Variants in RNF185 observed in about 807,000 individuals in gnomAD.
RNF185 encodes ring finger protein 185, also known as E3 ubiquitin-protein ligase RNF185.
RNF185 carries 13 observed loss-of-function variants against 24.9 expected under a neutral mutation model. The observed-to-expected ratio is 0.52, with a 90% CI of 0.34 to 0.83. The LOEUF is 0.83. RNF185 is among the 40% of genes least tolerant of loss of function. RNF185 has a pLI of 0.01. For missense variants in RNF185, 184 were observed against 244.7 expected, an observed-to-expected ratio of 0.75 and a Z score of 1.65; for synonymous variants, 79 against 90.3, an observed-to-expected ratio of 0.88 and a Z score of 0.71.
intron 5 of RNF185, among the ~76,000 whole-genome samples, chr22:31,200,979 C>G (rs961545360): frequency 2.0e-5 from 3 of 152,212 alleles, no homozygotes; most frequent in African/African-American, 7.2e-5. Context: ...AGTGTTACCG[C>G]TTAAGTCAGG....
chr22:31,161,230 G>A (rs1923556123), intron 1 of RNF185, among the ~76,000 whole-genome samples: 1 of 152,202 alleles, frequency 6.6e-6, no homozygotes, highest in Admixed American at 6.5e-5. Context: ...ACCACCGATG[G>A]AGTGAATGGA....
chr22:31,195,457 T>A lies in RNF185; in HGVS notation c.196-12T>A. The A allele has an allele frequency of 6.3e-7, 1 of 1,581,282 alleles. No individual in the cohort carries two copies. Among genetic ancestry groups the A allele is most frequent in the Non-Finnish European group, 8.6e-7 (1 of 1,161,312 alleles). Reference sequence around the variant, plus strand: ...TGGGCCATCCACATGCATTTTTCTCTCCTGTTTGCAGTGGTTGGAGACCAG... The same window carrying A: ...TGGGCCATCCACATGCATTTTTCTCACCTGTTTGCAGTGGTTGGAGACCAG... On this transcript the variant is annotated splice_polypyrimidine_tract_variant and intron_variant, in intron 3 of 6. Coordinates refer to ENST00000326132, the MANE Select transcript of RNF185 (RefSeq NM_152267.4).
chr22:31,183,988 G>A (rs997769132), intron 1 of RNF185, among the ~76,000 whole-genome samples: 7 of 140,114 alleles, frequency 5.0e-5, no homozygotes, highest in Non-Finnish European at 7.6e-5. Context: ...CCGAGCTCCC[G>A]GACGGGGCAG....
chr22:31,173,778 A>G (rs1160167120), intron 1 of RNF185, among the ~76,000 whole-genome samples: 1 of 152,220 alleles, frequency 6.6e-6, no homozygotes, highest in Non-Finnish European at 1.5e-5. Context: ...GAAATATAAC[A>G]AGTGTCCCCT....
chr22:31,173,420 C>CACACAG (rs1163012445), intron 1 of RNF185, among the ~76,000 whole-genome samples: 1 of 151,338 alleles, frequency 6.6e-6, no homozygotes, highest in South Asian at 2.1e-4. Flanking sequence ...CACACAGACA[C>CACACAG]ACACACACAC....
chr22:31,185,623 T>G lies in RNF185; in HGVS notation c.-48-1424T>G, dbSNP rs529923091. Among the ~76,000 whole-genome samples the G allele has an allele frequency of 2.6e-5, 4 of 152,324 alleles. No individual in the cohort carries two copies. In the South Asian group the frequency reaches 8.3e-4, roughly 32 times the overall value. ...AGGTTCCCAGAACCACCTAGCAAGC[T>G]AGAGGCTGAGTCCAGTATCCAGGCC... is the stretch of plus-strand genomic sequence containing the variant. On this transcript the variant is annotated intron_variant, in intron 1 of 6. Coordinates refer to ENST00000326132, the MANE Select transcript of RNF185 (RefSeq NM_152267.4).
intron 1 of RNF185, among the ~76,000 whole-genome samples, chr22:31,165,252 C>T (rs1923846548): frequency 6.6e-6 from 1 of 152,094 alleles, no homozygotes; most frequent in African/African-American, 2.4e-5. Context: ...TCCAGTTTCT[C>T]CGCATCCACA....
intron 1 of RNF185, 43 bp from the exon 2 acceptor site, chr22:31,187,004 G>C (rs2048105543): frequency 3.0e-6 from 4 of 1,326,502 alleles, no homozygotes; most frequent in Non-Finnish European, 4.2e-6. Flanking sequence ...GCTGGGGGGA[G>C]AGGGCTGCAG....
chr22:31,189,092 C>T (rs1393200774), intron 2 of RNF185, among the ~76,000 whole-genome samples: 1 of 148,416 alleles, frequency 6.7e-6, no homozygotes, highest in South Asian at 2.1e-4. Flanking sequence ...CGCCACTGCA[C>T]TCCAGCCTGG....
At chr22:31,192,760 C>T in intron 3 of RNF185, 58 bp downstream of exon 3, 1 of 1,531,350 alleles carries the variant, frequency 6.5e-7, no homozygotes, top group South Asian at 1.1e-5. Flanking sequence ...CAAGAGAGCC[C>T]TAGTCTCAGG....
intron 5 of RNF185, among the ~76,000 whole-genome samples, chr22:31,198,102 T>C (rs371971668): frequency 2.7e-4 from 41 of 152,352 alleles, no homozygotes; most frequent in East Asian, 1.2e-3. Flanking sequence ...CATATCCTCA[T>C]GTTCTCTTCA....
At chr22:31,198,489 C>T (rs2048229442) in intron 5 of RNF185, among the ~76,000 whole-genome samples, 1 of 149,586 alleles carries the variant, frequency 6.7e-6, no homozygotes, top group Non-Finnish European at 1.5e-5. Context: ...GCCTCTGCCT[C>T]CCGGGTTTAA....
intron 3 of RNF185, among the ~76,000 whole-genome samples, chr22:31,194,413 C>T (rs143797306): frequency 6.5e-4 from 99 of 152,086 alleles, no homozygotes; most frequent in Non-Finnish European, 1.1e-3. Flanking sequence ...CTGGGATACA[C>T]AGTTGTTGGG....
chr22:31,161,588 T>C (rs1441423180), intron 1 of RNF185, among the ~76,000 whole-genome samples: 2 of 152,206 alleles, frequency 1.3e-5, no homozygotes, highest in East Asian at 3.8e-4. Context: ...AGTAGCTTTT[T>C]TCTAAGAACA....
chr22:31,175,403 G>A lies in RNF185; in HGVS notation c.-48-11644G>A, dbSNP rs183954390. ...CGGTAGGTGGAGGTTGCAGTGAGCC[G>A]AGATCACGCCATTGCACTCCATCCT... On this transcript the variant is annotated intron_variant, in intron 1 of 6. Coordinates refer to ENST00000326132, the MANE Select transcript of RNF185 (RefSeq NM_152267.4). 3.7e-3 allele frequency among the ~76,000 whole-genome samples: 551 copies of A among 150,572 alleles called. 3 individuals carry two copies. The highest frequency in any genetic ancestry group is 0.012 in the African/African-American group (481 of 40,938).
At chr22:31,185,564 A>G (rs1309521331) in intron 1 of RNF185, among the ~76,000 whole-genome samples, 1 of 152,208 alleles carries the variant, frequency 6.6e-6, no homozygotes, top group Non-Finnish European at 1.5e-5. Flanking sequence ...CTCATTTTAC[A>G]GATGAGAAAA....
At position 31,205,814 on chromosome 22, in the gene RNF185, T is replaced by G. The variant is rs930533258; in HGVS notation, c.*1228T>G. The G allele has an allele frequency of 5.3e-5, 8 of 152,348 alleles. No homozygotes were observed. The highest frequency in any genetic ancestry group is 1.2e-4 in the Non-Finnish European group (8 of 68,132). 9.4% of individuals were successfully genotyped at this position (152,348 alleles called of 1,614,324 possible). A position where few individuals can be genotyped will look rare whatever the true frequency, so the allele number is the denominator to read the frequency against. ...GGAGCCCCAGCACAATGATATTGTG[T>G]GGTCTTCCCTCCTGTGGAATCGAGG... On this transcript the variant is annotated 3_prime_UTR_variant, in exon 7 of 7. Coordinates refer to ENST00000326132, the MANE Select transcript of RNF185 (RefSeq NM_152267.4).
At chr22:31,176,681 G>T (rs1232018531) in intron 1 of RNF185, among the ~76,000 whole-genome samples, 2 of 151,340 alleles carry the variant, frequency 1.3e-5, no homozygotes, top group African/African-American at 4.9e-5. Flanking sequence ...GTAGAGACGG[G>T]GTTTCACCGT....
intron 6 of RNF185, among the ~76,000 whole-genome samples, chr22:31,201,912 C>T (rs2048266585): frequency 6.6e-6 from 1 of 152,110 alleles, no homozygotes. Flanking sequence ...AGAAAATGCT[C>T]AGTAATGTTA....
Sources: allele counts gnomAD v4.1 joint callset (sites outside exome capture counted in the v4.1 genomes callset), GRCh38; gene constraint gnomAD v4.1.1; transcripts MANE v1.5; gene names NCBI Gene and HGNC (gene_info 2026-07-23, HGNC 2026-07-21).